The following SF3B3 variants were observed in gnomAD, a reference collection of about 807,000 sequenced individuals.
SF3B3 encodes SAP 130.
A neutral mutation model predicts 139.2 loss-of-function variants in SF3B3; 33 were observed. That is an observed-to-expected ratio of 0.24 (90% confidence interval 0.18 to 0.32). The LOEUF (loss-of-function observed/expected upper bound fraction) is 0.32, where lower values mean the gene tolerates loss of function less well. SF3B3 is among the 10% of genes least tolerant of loss of function. SF3B3 has a pLI of 1.00. For synonymous variants in SF3B3, 596 were observed against 563.6 expected, an observed-to-expected ratio of 1.06 and a Z score of -0.81; for missense variants, 818 against 1,509.4, an observed-to-expected ratio of 0.54 and a Z score of 7.59.
At position 70,532,710 on chromosome 16, in the gene SF3B3, T is replaced by G; in HGVS notation, c.712+90T>G. The G allele has an allele frequency of 3.0e-6, 4 of 1,315,306 alleles. No individual in the cohort carries two copies. In the African/African-American group the frequency reaches 6.0e-5, roughly 20 times the overall value. 81.5% of individuals were successfully genotyped at this position (1,315,306 alleles called of 1,614,324 possible). A position where few individuals can be genotyped will look rare whatever the true frequency, so the allele number is the denominator to read the frequency against. On this transcript the variant is annotated intron_variant, in intron 5 of 25. Transcript: ENST00000302516. ...GGTTTTACTTAAAGGGTTTGGGAAT[T>G]AATCCATTTGTTGTGAACCTGAATA...
intron 2 of SF3B3, among the ~76,000 whole-genome samples, chr16:70,528,103 CTTTCAAATTCCTT>C (rs2050082122): frequency 1.3e-5 from 2 of 149,536 alleles, no homozygotes; most frequent in African/African-American, 4.9e-5. Context: ...CTAATTTTAT[CTTTCAAATTCCTT>C]TTCCAATTCA....
chr16:70,562,924 G>C (rs1033041035), intron 17 of SF3B3, among the ~76,000 whole-genome samples: 7 of 152,032 alleles, frequency 4.6e-5, no homozygotes, highest in Non-Finnish European at 4.4e-5. Context: ...AACTTCCTGG[G>C]CTCAAGCTAT....
intron 17 of SF3B3, 43 bp downstream of exon 17, chr16:70,561,827 G>A (rs1200463993): frequency 2.5e-6 from 4 of 1,580,012 alleles, no homozygotes; most frequent in Non-Finnish European, 3.5e-6. Flanking sequence ...AAGCCTTTCT[G>A]CCAAGGGCTC....
chr16:70,570,230 T>G, intron 24 of SF3B3, 81 bp downstream of exon 24: 1 of 1,324,372 alleles, frequency 7.6e-7, no homozygotes. Context: ...TCAAATTCAT[T>G]TGTCCCCACA....
At chr16:70,542,427 A>G (rs1457740498) in intron 9 of SF3B3, among the ~76,000 whole-genome samples, 1 of 152,228 alleles carries the variant, frequency 6.6e-6, no homozygotes, top group Non-Finnish European at 1.5e-5. Context: ...GAAGTGGCTC[A>G]GAATGGAGTT....
At position 70,565,049 on chromosome 16, in the gene SF3B3, GT is replaced by G. The variant is rs768573435; in HGVS notation, c.2464-9del. 6.2e-7 allele frequency: 1 copy of G among 1,612,392 alleles called. No individual in the cohort carries two copies. Among genetic ancestry groups the G allele is most frequent in the South Asian group, 1.1e-5 (1 of 91,000 alleles). Reference sequence around the variant, plus strand: ...TCTGAGCACGCCAACTCAGTTACTCGTTTTTTTGGGTTTAGGAAATGGTGGA... The same window carrying G: ...TCTGAGCACGCCAACTCAGTTACTCGTTTTTTGGGTTTAGGAAATGGTGGA... On this transcript the variant is annotated splice_polypyrimidine_tract_variant and intron_variant, in intron 18 of 25. Transcript: ENST00000302516.
At chr16:70,525,355 AC>A (rs1377714199) in intron 1 of SF3B3, among the ~76,000 whole-genome samples, 1 of 152,102 alleles carries the variant, frequency 6.6e-6, no homozygotes, top group East Asian at 1.9e-4. Flanking sequence ...CTAGTACTGG[AC>A]TGATCCTCCG....
Position 70,568,444 on chromosome 16 carries a change from C to G in SF3B3, c.3114C>G (p.Leu1038=). 2 of 1,614,044 alleles carry G rather than the reference C, an allele frequency of 1.2e-6. No homozygotes were observed. Among genetic ancestry groups the G allele is most frequent in the Non-Finnish European group, 1.7e-6 (2 of 1,179,918 alleles). The change falls in exon 22 of 26, where the codon CTC becomes CTG. Residue 1038 remains leucine (L), a synonymous_variant. Transcript: ENST00000302516. ...TYPRWVTTAS[L]LDYDTVAGAD... Reference sequence around the variant, plus strand: ...CCCGATGGGTCACTACAGCCAGCCTCCTGGACTATGACACTGTGGCTGGGG... The same window carrying G: ...CCCGATGGGTCACTACAGCCAGCCTGCTGGACTATGACACTGTGGCTGGGG...
At chr16:70,526,766 A>G (rs779742793) in intron 2 of SF3B3, 40 bp downstream of exon 2, 59 of 1,318,124 alleles carry the variant, frequency 4.5e-5, no homozygotes, top group Non-Finnish European at 6.4e-5. Context: ...TTTTAAGTGA[A>G]TTAATACATA....
intron 9 of SF3B3, among the ~76,000 whole-genome samples, chr16:70,542,511 G>T (rs1324821009): frequency 6.6e-6 from 1 of 152,054 alleles, no homozygotes; most frequent in Admixed American, 6.6e-5. Context: ...CAATTGTCAG[G>T]GTTTGAGTGA....
intron 1 of SF3B3, among the ~76,000 whole-genome samples, chr16:70,525,959 A>G (rs1407001739): frequency 5.6e-5 from 7 of 125,698 alleles, no homozygotes; most frequent in Admixed American, 5.5e-4. Context: ...AGACGCCTCA[A>G]AAAAAAAAAA....
Position 70,551,603 on chromosome 16 carries a change from G to A in SF3B3, c.1403-2843G>A, listed in dbSNP as rs554443917. 1.8e-3 allele frequency among the ~76,000 whole-genome samples: 272 copies of A among 152,312 alleles called. 1 individual carries two copies. The highest frequency in any genetic ancestry group is 6.0e-3 in the African/African-American group (250 of 41,574). On this transcript the variant is annotated intron_variant, in intron 11 of 25. Transcript: ENST00000302516. ...TGTAATCCTAGCTACTAGAGAGGCT[G>A]AGGCAGGAGAATCGCTTGAACCTGG...
Position 70,546,501 on chromosome 16 carries a change from A to C in SF3B3, c.1330-1869A>C, listed in dbSNP as rs61574157. On this transcript the variant is annotated intron_variant, in intron 10 of 25. Coordinates refer to ENST00000302516, the MANE Select transcript of SF3B3 (RefSeq NM_012426.5). ...ACCCCTTCTCTACTAAAACTACAAA[A>C]ATGAGCCGAGAGTGGTGGTGGGTGT... is the stretch of plus-strand genomic sequence containing the variant. 5.6e-4 allele frequency among the ~76,000 whole-genome samples: 85 copies of C among 152,162 alleles called. 1 individual carries two copies. In the East Asian group the frequency reaches 0.011, roughly 20 times the overall value.
intron 6 of SF3B3, chr16:70,538,091 T>A: frequency 1.5e-6 from 1 of 686,500 alleles, no homozygotes; most frequent in Non-Finnish European, 2.7e-6. Flanking sequence ...ATGAATCTGA[T>A]CAGGCTGTAG....
chr16:70,546,259 C>T (rs1462431900), intron 10 of SF3B3, among the ~76,000 whole-genome samples: 1 of 152,250 alleles, frequency 6.6e-6, no homozygotes, highest in Non-Finnish European at 1.5e-5. Context: ...GCGTGAGCCA[C>T]CGCGCCTGGC....
In SF3B3 at chr16:70,538,310, T is replaced by C; in HGVS notation, c.826-13T>C. 6.2e-7 allele frequency: 1 copy of C among 1,612,314 alleles called. No homozygotes were observed. The highest frequency in any genetic ancestry group is 1.1e-5 in the South Asian group (1 of 90,976). On this transcript the variant is annotated splice_polypyrimidine_tract_variant and intron_variant, in intron 6 of 25. Coordinates refer to ENST00000302516, the MANE Select transcript of SF3B3 (RefSeq NM_012426.5). ...CATTTCTAAGACATTGATTGTGTTT[T>C]TGACTTTGCTAGAATGACCTGGATG...
intron 9 of SF3B3, among the ~76,000 whole-genome samples, chr16:70,543,553 A>T (rs1343277961): frequency 6.6e-6 from 1 of 151,952 alleles, no homozygotes; most frequent in Non-Finnish European, 1.5e-5. Context: ...ACTAAAAATA[A>T]AAAAACTAGC....
At chr16:70,569,261 C>G (rs893017979) in intron 23 of SF3B3, 120 bp downstream of exon 23, 1 of 646,752 alleles carries the variant, frequency 1.5e-6, no homozygotes, top group African/African-American at 1.8e-5. Flanking sequence ...GAGTGCTGTC[C>G]GTCCACAGTC....
intron 12 of SF3B3, 58 bp from the exon 13 acceptor site, chr16:70,554,993 C>T: frequency 6.5e-7 from 1 of 1,527,346 alleles, no homozygotes; most frequent in Non-Finnish European, 9.0e-7. Context: ...ATGTGAGGGT[C>T]ATTCTGAGTG....
Sources: gnomAD v4.1 joint callset for allele counts (sites outside exome capture counted in the v4.1 genomes callset) on GRCh38, gnomAD v4.1.1 for gene constraint, MANE v1.5 for transcripts, NCBI Gene and HGNC (gene_info 2026-07-23, HGNC 2026-07-21) for gene names.